UBAP2: variants seen among roughly 807,000 people sequenced by gnomAD.
UBAP2 encodes ubiquitin associated protein 2.
In UBAP2, 75 loss-of-function variants were observed where a neutral mutation model predicts 139.6. The observed-to-expected ratio is 0.54, with a 90% CI of 0.45 to 0.65. UBAP2 has a LOEUF of 0.65. Among genes scored for constraint, UBAP2 ranks in the 30% least tolerant of loss-of-function variants. The pLI is 0.00. For missense variants in UBAP2, 1,368 were observed against 1,369.6 expected (o/e 1.00, Z 0.02); for synonymous variants, 526 against 526.2 (o/e 1.00, Z 0.01).
intron 20 of UBAP2, 50 bp from the exon 21 acceptor site, chr9:33,927,130 G>GAGAGT (rs1491162406): frequency 6.9e-7 from 1 of 1,442,202 alleles, no homozygotes; most frequent in Non-Finnish European, 9.5e-7. Context: ...CACAAAGAGT[G>GAGAGT]AGAGTCCTCA....
chr9:33,923,604 A>T, intron 24 of UBAP2, 126 bp from the exon 25 acceptor site: 1 of 1,075,554 alleles, frequency 9.3e-7, no homozygotes, highest in Non-Finnish European at 1.4e-6. Flanking sequence ...TGTTTTCATT[A>T]GTGCAACACA....
At chr9:34,021,683 G>A (rs1222358271) in intron 1 of UBAP2, among the ~76,000 whole-genome samples, 3 of 148,852 alleles carry the variant, frequency 2.0e-5, no homozygotes, top group African/African-American at 7.5e-5. Flanking sequence ...ACCCAGGCTG[G>A]AGTGCAGTGA....
At chr9:34,023,958 C>T (rs768259164) in intron 1 of UBAP2, among the ~76,000 whole-genome samples, 1 of 152,144 alleles carries the variant, frequency 6.6e-6, no homozygotes, top group Non-Finnish European at 1.5e-5. Flanking sequence ...GCAGGAGAAT[C>T]GCTTGAACCT....
intron 2 of UBAP2, among the ~76,000 whole-genome samples, chr9:34,014,359 G>A (rs893926766): frequency 9.4e-5 from 14 of 149,118 alleles, no homozygotes; most frequent in East Asian, 2.0e-4. Context: ...GGTCAGGTGC[G>A]GTGGCTCACG....
At chr9:34,023,643 A>G (rs1825151133) in intron 1 of UBAP2, among the ~76,000 whole-genome samples, 1 of 152,240 alleles carries the variant, frequency 6.6e-6, no homozygotes, top group African/African-American at 2.4e-5. Context: ...GAAACATAAA[A>G]ACTACATGGC....
At chr9:33,956,222 T>C in intron 10 of UBAP2, 76 bp from the exon 11 acceptor site, 3 of 963,792 alleles carry the variant, frequency 3.1e-6, no homozygotes, top group South Asian at 1.4e-5. Context: ...TGATCATTTG[T>C]AGTCATCAGT....
chr9:34,015,241 C>T (rs1824145513), intron 2 of UBAP2, among the ~76,000 whole-genome samples: 1 of 152,192 alleles, frequency 6.6e-6, no homozygotes, highest in Non-Finnish European at 1.5e-5. Flanking sequence ...GTGCTTAGCA[C>T]TTATCTCACT....
chr9:33,924,293 G>A lies in UBAP2; in HGVS notation c.2512-9C>T. 6.2e-7 allele frequency: 1 copy of A among 1,611,076 alleles called. No individual in the cohort carries two copies. Among genetic ancestry groups the A allele is most frequent in the Non-Finnish European group, 8.5e-7 (1 of 1,177,550 alleles). ...GGAATTCCATAGTAGTCCTAGGAGA[G>A]ACCAGGGAGGCTTGATCAGCGACTG... On this transcript the variant is annotated splice_polypyrimidine_tract_variant and intron_variant, in intron 22 of 28. Transcript: ENST00000379238.
chr9:33,974,826 G>A (rs1828172281), intron 6 of UBAP2, among the ~76,000 whole-genome samples: 1 of 151,706 alleles, frequency 6.6e-6, no homozygotes, highest in Non-Finnish European at 1.5e-5. Flanking sequence ...TGTAGTCCCA[G>A]GTACTCGGGA....
intron 3 of UBAP2, chr9:33,997,118 C>T (rs1422066950): frequency 6.6e-6 from 1 of 152,150 alleles, no homozygotes; most frequent in African/African-American, 2.4e-5. Context: ...TGGAATTCTG[C>T]TACTATCACA....
intron 1 of UBAP2, among the ~76,000 whole-genome samples, chr9:34,029,079 G>A (rs142711897): frequency 2.6e-5 from 4 of 152,122 alleles, no homozygotes; most frequent in Middle Eastern, 3.4e-3. Flanking sequence ...TCATGTCACC[G>A]CACTCCAGAC....
Position 33,943,557 on chromosome 9 carries a change from T to C in UBAP2, c.1578A>G (p.Ser526=). 6.2e-7 allele frequency: 1 copy of C among 1,614,146 alleles called. No homozygotes were observed. Residue 526 remains serine (S), a synonymous_variant, in exon 15 of 29, where the codon TCA becomes TCG. Coordinates refer to ENST00000379238, the MANE Select transcript of UBAP2 (RefSeq NM_001370062.2). ...IPASAVEMPG[S]ADVTGLNVQF... ...GCACATTTAATCCTGTGACATCTGC[T>C]GAACCAGGCATTTCCACTGCAGAAG...
rs1032377626 is a variant in UBAP2, at chr9:34,045,400, G to A, written c.-42+3425C>T. On this transcript the variant is annotated intron_variant, in intron 1 of 28. Coordinates refer to ENST00000379238, the MANE Select transcript of UBAP2 (RefSeq NM_001370062.2). ...TAAAAAAAAAATTTTTTTTTGAGAC[G>A]GAGTCTTGCTCCATCCAGGCTGGAT... is the stretch of plus-strand genomic sequence containing the variant. Among the ~76,000 whole-genome samples, 249 of 151,082 alleles carry A rather than the reference G, an allele frequency of 1.6e-3. 2 individuals carry two copies. The highest frequency in any genetic ancestry group is 7.8e-4 in the Non-Finnish European group (53 of 67,802).
intron 17 of UBAP2, among the ~76,000 whole-genome samples, chr9:33,934,965 C>T (rs1587518422): frequency 6.6e-6 from 1 of 152,134 alleles, no homozygotes; most frequent in African/African-American, 2.4e-5. Context: ...AGGCTCACCT[C>T]GGTCTGCTTA....
chr9:34,026,660 C>T (rs975214317), intron 1 of UBAP2, among the ~76,000 whole-genome samples: 2 of 152,184 alleles, frequency 1.3e-5, no homozygotes, highest in Non-Finnish European at 2.9e-5. Context: ...ATGTGCCAGA[C>T]ACCATTCTAA....
intron 1 of UBAP2, among the ~76,000 whole-genome samples, chr9:34,018,578 T>C (rs1453313901): frequency 1.3e-5 from 2 of 152,110 alleles, no homozygotes; most frequent in Non-Finnish European, 2.9e-5. Context: ...AGAGTGCCAT[T>C]ATTGGCCGGG....
rs959149077 is a variant in UBAP2, at chr9:33,922,306, C to A, written c.*198G>T. 9 of 595,700 alleles carry A rather than the reference C, an allele frequency of 1.5e-5. No homozygotes were observed. Among genetic ancestry groups the A allele is most frequent in the Non-Finnish European group, 2.4e-5 (8 of 339,340 alleles). 36.9% of individuals were successfully genotyped at this position (595,700 alleles called of 1,614,324 possible). ...CTGCCGCCATCCCCCAACTCCCCCC[C>A]AGACTTCTATCACATTTACAAATAC... is the stretch of plus-strand genomic sequence containing the variant. On this transcript the variant is annotated 3_prime_UTR_variant, in exon 29 of 29. Transcript: ENST00000379238.
At chr9:33,948,345 G>A (rs770203994) in intron 13 of UBAP2, 29 bp downstream of exon 13, 20 of 1,561,080 alleles carry the variant, frequency 1.3e-5, no homozygotes, top group African/African-American at 2.7e-5. Context: ...TCCTCAGTAG[G>A]GGCAAACCCA....
At chr9:33,986,986 G>A (rs1821273016) in intron 5 of UBAP2, 149 bp from the exon 6 acceptor site, 1 of 720,376 alleles carries the variant, frequency 1.4e-6, no homozygotes, top group South Asian at 1.7e-5. Context: ...AAAAACAAAA[G>A]TGACTTAAAA....
Sources: allele counts gnomAD v4.1 joint callset (sites outside exome capture counted in the v4.1 genomes callset), GRCh38; gene constraint gnomAD v4.1.1; transcripts MANE v1.5; gene names NCBI Gene and HGNC (gene_info 2026-07-23, HGNC 2026-07-21).